Variants in CRPPA observed in about 807,000 individuals in gnomAD.
The protein encoded by CRPPA is D-ribitol-5-phosphate cytidylyltransferase.
CRPPA carries 43 observed loss-of-function variants against 52.0 expected under a neutral mutation model. The ratio of observed to expected loss-of-function variants is 0.83; its 90% CI spans 0.65 to 1.07. The LOEUF is 1.07. CRPPA is among the 50% of genes least tolerant of loss of function. The probability of loss-of-function intolerance (pLI) is 0.00; values close to 1 mark genes in which losing one functional copy is unlikely to be tolerated. For missense variants in CRPPA, 629 were observed against 551.7 expected, an observed-to-expected ratio of 1.14 and a Z score of -1.40; for synonymous variants, 250 against 203.5, an observed-to-expected ratio of 1.23 and a Z score of -1.94.
chr7:16,265,545 A>C (rs1783931086), intron 6 of CRPPA, among the ~76,000 whole-genome samples: 1 of 152,192 alleles, frequency 6.6e-6, no homozygotes, highest in South Asian at 2.1e-4. Context: ...TCTGAAGTCT[A>C]ATGTGTGTAC....
intron 8 of CRPPA, among the ~76,000 whole-genome samples, chr7:16,229,169 T>C (rs986269160): frequency 6.6e-6 from 1 of 152,078 alleles, no homozygotes; most frequent in African/African-American, 2.4e-5. Flanking sequence ...AGTTTGTGTG[T>C]GTCCTTACAG....
intron 9 of CRPPA, among the ~76,000 whole-genome samples, chr7:16,124,874 A>T (rs917005815): frequency 2.6e-5 from 4 of 151,604 alleles, no homozygotes; most frequent in South Asian, 2.1e-4. Flanking sequence ...AAAATAAAAA[A>T]ATATATATAA....
At chr7:16,314,868 G>C (rs1785110688) in intron 3 of CRPPA, among the ~76,000 whole-genome samples, 2 of 151,944 alleles carry the variant, frequency 1.3e-5, no homozygotes, top group Admixed American at 1.3e-4. Context: ...TAGTTTATTT[G>C]GAATTTATAC....
intron 5 of CRPPA, among the ~76,000 whole-genome samples, chr7:16,295,427 T>C (rs1466310370): frequency 1.3e-5 from 2 of 152,070 alleles, no homozygotes; most frequent in African/African-American, 2.4e-5. Context: ...TTCCTCTTTT[T>C]TAATACACAC....
intron 9 of CRPPA, among the ~76,000 whole-genome samples, chr7:16,110,778 C>T (rs1231966027): frequency 1.3e-5 from 2 of 151,914 alleles, no homozygotes; most frequent in African/African-American, 2.4e-5. Flanking sequence ...AATCTCACAC[C>T]ATATATAAAA....
At chr7:16,323,046 T>C (rs1389536809) in intron 3 of CRPPA, among the ~76,000 whole-genome samples, 1 of 152,110 alleles carries the variant, frequency 6.6e-6, no homozygotes, top group Non-Finnish European at 1.5e-5. Flanking sequence ...TATGATCTAA[T>C]TACTTCCACC....
At chr7:16,112,066 G>C (rs1000794238) in intron 9 of CRPPA, among the ~76,000 whole-genome samples, 1 of 152,120 alleles carries the variant, frequency 6.6e-6, no homozygotes, top group African/African-American at 2.4e-5. Context: ...TGTAATCCCA[G>C]CACTTTGGGA....
intron 8 of CRPPA, among the ~76,000 whole-genome samples, chr7:16,227,473 T>G (rs970444325): frequency 9.2e-5 from 14 of 151,912 alleles, no homozygotes; most frequent in African/African-American, 3.4e-4. Context: ...GATTTACACT[T>G]CCCTGATGAT....
intron 5 of CRPPA, among the ~76,000 whole-genome samples, chr7:16,281,307 C>G (rs1470025853): frequency 3.7e-5 from 3 of 80,688 alleles, no homozygotes; most frequent in Non-Finnish European, 9.2e-5. Context: ...TTTGTTGACA[C>G]CACTTATAAA....
chr7:16,392,977 T>A (rs756596923), intron 2 of CRPPA, among the ~76,000 whole-genome samples: 8 of 152,156 alleles, frequency 5.3e-5, no homozygotes, highest in Non-Finnish European at 7.4e-5. Context: ...GTACTATGTA[T>A]AAAGAAACAA....
At chr7:16,195,793 C>A (rs997642054) in intron 9 of CRPPA, among the ~76,000 whole-genome samples, 7 of 152,092 alleles carry the variant, frequency 4.6e-5, no homozygotes, top group African/African-American at 1.7e-4. Flanking sequence ...CTGCTCAGGT[C>A]CATTTCTTGC....
intron 8 of CRPPA, among the ~76,000 whole-genome samples, chr7:16,224,582 T>G (rs1189622043): frequency 6.6e-6 from 1 of 152,128 alleles, no homozygotes; most frequent in Non-Finnish European, 1.5e-5. Flanking sequence ...AAAGAATTGG[T>G]AGATAAACCA....
chr7:16,123,939 T>C (rs914086002), intron 9 of CRPPA, among the ~76,000 whole-genome samples: 1 of 152,150 alleles, frequency 6.6e-6, no homozygotes, highest in Non-Finnish European at 1.5e-5. Context: ...CAGACATCCA[T>C]ATTGACATTT....
At chr7:16,178,758 G>A (rs1045570894) in intron 9 of CRPPA, among the ~76,000 whole-genome samples, 1 of 151,712 alleles carries the variant, frequency 6.6e-6, no homozygotes, top group Admixed American at 6.6e-5. Flanking sequence ...AATCTACCAA[G>A]TCAGACAATA....
At chr7:16,266,793 A>T (rs980235466) in intron 6 of CRPPA, among the ~76,000 whole-genome samples, 1 of 152,114 alleles carries the variant, frequency 6.6e-6, no homozygotes, top group African/African-American at 2.4e-5. Flanking sequence ...TTTATTATGC[A>T]TCCAAAGTTG....
intron 9 of CRPPA, among the ~76,000 whole-genome samples, chr7:16,135,303 C>A (rs1268067141): frequency 1.3e-5 from 2 of 152,086 alleles, no homozygotes; most frequent in East Asian, 3.9e-4. Flanking sequence ...TTTTTGAAGA[C>A]CTCTGCTTGA....
At chr7:16,358,901 C>T (rs1176463256) in intron 3 of CRPPA, among the ~76,000 whole-genome samples, 1 of 151,976 alleles carries the variant, frequency 6.6e-6, no homozygotes, top group African/African-American at 2.4e-5. Context: ...GATATTAATG[C>T]CCACAAAGAA....
intron 9 of CRPPA, among the ~76,000 whole-genome samples, chr7:16,101,736 A>G (rs1782049968): frequency 6.6e-6 from 1 of 152,198 alleles, no homozygotes; most frequent in Admixed American, 6.5e-5. Flanking sequence ...AGAGAATAGA[A>G]TACAACTCAG....
At chr7:16,248,338 C>G (rs1024140092) in intron 8 of CRPPA, among the ~76,000 whole-genome samples, 2 of 152,042 alleles carry the variant, frequency 1.3e-5, no homozygotes, top group African/African-American at 4.8e-5. Flanking sequence ...GACTCTAACT[C>G]AAAAAGTAAT....
Sources: gnomAD v4.1 joint callset for allele counts (sites outside exome capture counted in the v4.1 genomes callset) on GRCh38, gnomAD v4.1.1 for gene constraint, MANE v1.5 for transcripts, NCBI Gene and HGNC (gene_info 2026-07-23, HGNC 2026-07-21) for gene names.